Variants in MAML2 observed in about 807,000 individuals in gnomAD.
MAML2 encodes mastermind-like protein 2.
Under a neutral mutation model 96.1 loss-of-function variants are expected in MAML2, and 22 were observed. That is an observed-to-expected ratio of 0.23 (90% CI 0.16 to 0.33). The LOEUF (loss-of-function observed/expected upper bound fraction) is 0.33. Ranked by LOEUF, MAML2 falls within the 10% of genes least tolerant of loss-of-function variation. The pLI, the probability that MAML2 is intolerant of heterozygous loss-of-function variation, is 1.00. For synonymous variants in MAML2, 561 were observed against 521.3 expected (o/e 1.08, Z -1.04); for missense variants, 1,367 against 1,392.4 (o/e 0.98, Z 0.29).
At chr11:96,013,735 G>A (rs904908092) in intron 2 of MAML2, among the ~76,000 whole-genome samples, 12 of 152,296 alleles carry the variant, frequency 7.9e-5, no homozygotes, top group Admixed American at 3.3e-4. Context: ...TGGGGCTGTT[G>A]GAGGAGAGCC....
Position 96,285,859 on chromosome 11 carries a change from C to T in MAML2, c.513+55524G>A, listed in dbSNP as rs544335881. 1.2e-3 allele frequency among the ~76,000 whole-genome samples: 176 copies of T among 152,270 alleles called. 1 individual carries two copies. The highest frequency in any genetic ancestry group is 2.2e-3 in the Non-Finnish European group (151 of 68,018). On this transcript the variant is annotated intron_variant, in intron 1 of 4. Transcript: ENST00000524717. The stretch of plus-strand genomic sequence containing the variant: ...GTGAGGTTGCAAAGAAAAAGGAATG[C>T]TTCTATGCTGTTGGTGAGAATGTAA...
At chr11:96,152,342 C>T (rs746349032) in intron 1 of MAML2, among the ~76,000 whole-genome samples, 2 of 152,308 alleles carry the variant, frequency 1.3e-5, no homozygotes, top group Middle Eastern at 6.8e-3. Context: ...AATGACAAAT[C>T]GAGAAACAAC....
At chr11:96,308,083 A>G (rs1018879406) in intron 1 of MAML2, among the ~76,000 whole-genome samples, 5 of 152,162 alleles carry the variant, frequency 3.3e-5, no homozygotes, top group African/African-American at 1.2e-4. Flanking sequence ...CAGGCCTTAC[A>G]CAGTGTTATA....
chr11:96,165,285 GA>G (rs1446660781), intron 1 of MAML2, among the ~76,000 whole-genome samples: 6 of 152,116 alleles, frequency 3.9e-5, no homozygotes, highest in African/African-American at 1.4e-4. Flanking sequence ...ACAGAGTGCT[GA>G]ATCTTAATCC....
At chr11:96,017,140 G>A (rs953253223) in intron 2 of MAML2, among the ~76,000 whole-genome samples, 4 of 152,142 alleles carry the variant, frequency 2.6e-5, no homozygotes, top group Non-Finnish European at 4.4e-5. Context: ...TTCTTTTGAG[G>A]TAGGTAGATC....
chr11:96,155,473 C>A (rs1860994124), intron 1 of MAML2, among the ~76,000 whole-genome samples: 1 of 137,368 alleles, frequency 7.3e-6, no homozygotes, highest in Non-Finnish European at 1.5e-5. Flanking sequence ...TTCCTCTAAA[C>A]AATACTACCC....
intron 1 of MAML2, among the ~76,000 whole-genome samples, chr11:96,206,885 G>A (rs1410553943): frequency 2.0e-5 from 3 of 152,064 alleles, no homozygotes; most frequent in Non-Finnish European, 4.4e-5. Flanking sequence ...AATGGTTTTA[G>A]AAGAATCTTT....
chr11:96,106,062 G>A (rs921232067), intron 1 of MAML2, among the ~76,000 whole-genome samples: 2 of 152,122 alleles, frequency 1.3e-5, no homozygotes, highest in East Asian at 1.9e-4. Flanking sequence ...TTTAAATGAC[G>A]TTAGGATGGA....
In MAML2 at chr11:96,092,396, C is replaced by T. The variant is rs376041982; in HGVS notation, c.1635G>A (p.Pro545=). The part of the protein sequence containing the change: ...QDLSRSFINN[P]HPAMEPRQGN... ...CCTGACGGGGCTCCATGGCTGGGTG[C>T]GGGTTGTTAATAAAACTTCGACTGA... The change falls in exon 2 of 5, where the codon CCG becomes CCA. Residue 545 remains proline (P), a synonymous_variant. Transcript: ENST00000524717. This position sits in a 1 kb window ranked among gnomAD's most constrained non-coding sequence, Gnocchi z 4.1. 39 of 1,613,848 alleles carry T rather than the reference C, an allele frequency of 2.4e-5. No homozygotes were observed. Among genetic ancestry groups the T allele is most frequent in the African/African-American group, 1.7e-4 (13 of 75,010 alleles).
chr11:96,001,637 C>T (rs1382878349), intron 2 of MAML2, among the ~76,000 whole-genome samples: 1 of 152,046 alleles, frequency 6.6e-6, no homozygotes, highest in East Asian at 1.9e-4. Context: ...AACTCAACCC[C>T]CCCTCACTCC....
intron 1 of MAML2, among the ~76,000 whole-genome samples, chr11:96,328,733 G>C (rs909735348): frequency 2.0e-5 from 3 of 152,096 alleles, no homozygotes; most frequent in Non-Finnish European, 4.4e-5. Flanking sequence ...CTTTTTTCCA[G>C]TTCTATTAAA....
chr11:96,030,871 T>A (rs1364400628), intron 2 of MAML2, among the ~76,000 whole-genome samples: 1 of 152,206 alleles, frequency 6.6e-6, no homozygotes, highest in African/African-American at 2.4e-5. Flanking sequence ...GTGCTAAATA[T>A]GCTATAGATC....
At position 96,092,093 on chromosome 11, in the gene MAML2, T is replaced by C. The variant is rs575986134; in HGVS notation, c.1938A>G (p.Gln646=). ...GTTGTTGTTGCTGCTGCTGCTGCTG[T>C]TGTTGCTGCTGCTGCTGCTGTTGGG... The part of the protein sequence containing the change: ...ISAQQQQQQQ[Q]QQQQQQQQQQ... Residue 646 remains glutamine, a synonymous_variant, in exon 2 of 5, where the codon CAA becomes CAG. Transcript: ENST00000524717. This position sits in a 1 kb window ranked among gnomAD's most constrained non-coding sequence, Gnocchi z 4.1. The C allele has an allele frequency of 5.5e-5, 85 of 1,549,662 alleles. No individual in the cohort carries two copies. The East Asian group carries it at 1.6e-3, about 29-fold the overall frequency.
intron 1 of MAML2, among the ~76,000 whole-genome samples, chr11:96,272,570 C>T (rs1862932057): frequency 1.3e-5 from 2 of 152,102 alleles, no homozygotes; most frequent in Admixed American, 6.6e-5. Flanking sequence ...AAGCAGCCCA[C>T]CAGATTTAGA....
At chr11:96,320,901 G>A (rs1312699121) in intron 1 of MAML2, among the ~76,000 whole-genome samples, 2 of 152,204 alleles carry the variant, frequency 1.3e-5, no homozygotes, top group Admixed American at 1.3e-4. Flanking sequence ...AGCACATCCA[G>A]TTGGAAGAGT....
intron 1 of MAML2, among the ~76,000 whole-genome samples, chr11:96,325,308 G>T (rs1455294669): frequency 6.6e-6 from 1 of 152,122 alleles, no homozygotes; most frequent in Non-Finnish European, 1.5e-5. Flanking sequence ...AGACAAGTTT[G>T]AGCCTCTCAT....
intron 2 of MAML2, among the ~76,000 whole-genome samples, chr11:96,030,041 G>T (rs930530957): frequency 6.6e-6 from 1 of 152,054 alleles, no homozygotes; most frequent in African/African-American, 2.4e-5. Context: ...AGACCAACCT[G>T]GCCAACACAG....
chr11:96,121,118 G>C (rs1205762564), intron 1 of MAML2, among the ~76,000 whole-genome samples: 4 of 152,036 alleles, frequency 2.6e-5, no homozygotes, highest in Non-Finnish European at 5.9e-5. Flanking sequence ...TGCTATTCCA[G>C]GTCACAGGCT....
At chr11:96,265,258 G>C (rs948132074) in intron 1 of MAML2, among the ~76,000 whole-genome samples, 11 of 152,206 alleles carry the variant, frequency 7.2e-5, no homozygotes, top group Non-Finnish European at 1.3e-4. Flanking sequence ...GACGAGGGGA[G>C]AGTTGGCAGA....
Sources: allele counts gnomAD v4.1 joint callset (sites outside exome capture counted in the v4.1 genomes callset), GRCh38; gene constraint gnomAD v4.1.1; non-coding constraint Gnocchi (gnomAD v3.1); transcripts MANE v1.5; gene names NCBI Gene and HGNC (gene_info 2026-07-23, HGNC 2026-07-21).